ADGRE3: variants seen among roughly 807,000 people sequenced by gnomAD.
The protein encoded by ADGRE3 is adhesion G protein-coupled receptor E3.
In ADGRE3, 88 loss-of-function variants were observed where a neutral mutation model predicts 80.1. The ratio of observed to expected loss-of-function variants is 1.10; its 90% CI spans 0.93 to 1.31. ADGRE3 has a LOEUF of 1.31. Among genes scored for constraint, ADGRE3 ranks in the 40% most tolerant of loss-of-function variants. The pLI, the probability that ADGRE3 is intolerant of heterozygous loss-of-function variation, is 0.00. For missense variants in ADGRE3, 715 were observed against 776.5 expected, an observed-to-expected ratio of 0.92 and a Z score of 0.94; for synonymous variants, 281 against 294.8, an observed-to-expected ratio of 0.95 and a Z score of 0.48.
chr19:14,664,398 T>C (rs1403147271), intron 2 of ADGRE3, among the ~76,000 whole-genome samples: 2 of 151,932 alleles, frequency 1.3e-5, no homozygotes, highest in Non-Finnish European at 2.9e-5. Flanking sequence ...GATCGCGCCA[T>C]TGTGATCGCA....
rs1970934426 is a variant in ADGRE3, at chr19:14,633,244, T to C, written c.1543A>G (p.Ile515Val). The C allele has an allele frequency of 6.2e-7, 1 of 1,612,534 alleles. No homozygotes were observed. Among genetic ancestry groups the C allele is most frequent in the Non-Finnish European group, 8.5e-7 (1 of 1,179,188 alleles). ...CGAAGGCACATACTCACAGAGAAAA[T>C]GGCACAGACTGGGCCAAGGAAACTC... ...MWSFLGPVCA[I>V]FSANLVLFIL... is the part of the protein sequence containing the mutation. The change falls in exon 12 of 16, where the codon ATT becomes GTT. Residue 515 changes from isoleucine to valine, a missense_variant. Coordinates refer to ENST00000253673, the MANE Select transcript of ADGRE3 (RefSeq NM_032571.5).
At chr19:14,620,569 T>TA (rs1427819287) in intron 15 of ADGRE3, among the ~76,000 whole-genome samples, 431 of 7,438 alleles carry the variant, frequency 0.058, 49 homozygotes, top group Non-Finnish European at 0.07. Context: ...TATATATATA[T>TA]TTTTTTTTTT....
chr19:14,638,798 C>G (rs371990279), intron 10 of ADGRE3, among the ~76,000 whole-genome samples: 3 of 152,156 alleles, frequency 2.0e-5, no homozygotes, highest in Admixed American at 2.0e-4. Flanking sequence ...CACTTCCCCC[C>G]TCAACCTCTG....
intron 1 of ADGRE3, among the ~76,000 whole-genome samples, chr19:14,673,537 A>G (rs1972311984): frequency 6.6e-6 from 1 of 152,212 alleles, no homozygotes; most frequent in African/African-American, 2.4e-5. Flanking sequence ...CATTATAGCA[A>G]AGATCTGGAG....
intron 14 of ADGRE3, chr19:14,628,618 T>C: frequency 3.9e-6 from 1 of 256,730 alleles, no homozygotes; most frequent in South Asian, 4.8e-5. Flanking sequence ...AACGAGGCAG[T>C]TAACCTGCAG....
At chr19:14,627,714 A>T (rs1221947874) in intron 14 of ADGRE3, among the ~76,000 whole-genome samples, 1 of 152,140 alleles carries the variant, frequency 6.6e-6, no homozygotes, top group Non-Finnish European at 1.5e-5. Context: ...AGTCCAGATT[A>T]TCCCTGAGCA....
chr19:14,656,553 CATTT>C (rs956927729), intron 5 of ADGRE3, among the ~76,000 whole-genome samples: 1 of 152,024 alleles, frequency 6.6e-6, no homozygotes, highest in African/African-American at 2.4e-5. Flanking sequence ...CCAGGTGCGA[CATTT>C]ACTTACTGCT....
chr19:14,613,859 T>C, the ADGRE3 span, among the ~76,000 whole-genome samples: 1 of 152,054 alleles, frequency 6.6e-6, no homozygotes, highest in African/African-American at 2.4e-5. Flanking sequence ...CTAATTTTTG[T>C]ATTATTAGTA....
chr19:14,618,447 G>A (rs925240164), downstream of ADGRE3, among the ~76,000 whole-genome samples: 15 of 152,002 alleles, frequency 9.9e-5, no homozygotes, highest in Non-Finnish European at 1.8e-4. Flanking sequence ...CCCAGCTATC[G>A]GGAGGCTAAG....
chr19:14,615,369 C>T (rs1411671981), downstream of ADGRE3, among the ~76,000 whole-genome samples: 3 of 151,956 alleles, frequency 2.0e-5, no homozygotes, highest in African/African-American at 7.3e-5. Context: ...TCCTGAAAGT[C>T]CCCACTAGGG....
At chr19:14,650,628 CATCTCTCTCTCTCT>C (rs1413895969) in intron 7 of ADGRE3, among the ~76,000 whole-genome samples, 14 of 46,574 alleles carry the variant, frequency 3.0e-4, no homozygotes, top group African/African-American at 6.4e-4. Context: ...TCTCTGTCTC[CATCTCTCTCTCTCT>C]CTCTCTCTCT....
chr19:14,663,529 T>C lies in ADGRE3; in HGVS notation c.88A>G (p.Lys30Glu), dbSNP rs1253619519. 6.2e-7 allele frequency: 1 copy of C among 1,612,914 alleles called. No individual in the cohort carries two copies. The highest frequency in any genetic ancestry group is 2.2e-5 in the East Asian group (1 of 44,832). Reference protein sequence around the residue: ...VTQKTKTSCAKCPPNASCVNN... With the variant: ...VTQKTKTSCAECPPNASCVNN... Reference sequence around the variant, plus strand: ...ACACAGGAAGCATTTGGGGGGCACTTAGCACAGGAAGCTGCAGGGAGAAGA... The same window carrying C: ...ACACAGGAAGCATTTGGGGGGCACTCAGCACAGGAAGCTGCAGGGAGAAGA... The change falls in exon 3 of 16, where the codon AAG becomes GAG. Residue 30 changes from lysine to glutamate, a missense_variant. Coordinates refer to ENST00000253673, the MANE Select transcript of ADGRE3 (RefSeq NM_032571.5).
rs1971144286 is a variant in ADGRE3, at chr19:14,637,984, G to A, written c.1484+121C>T. ...CTGCTTTGTTGGGAAAGAGGTTAGA[G>A]CTGTTATAAAGGAGAACGTAGAGTG... On this transcript the variant is annotated intron_variant, in intron 11 of 15. Coordinates refer to ENST00000253673, the MANE Select transcript of ADGRE3 (RefSeq NM_032571.5). 8 of 715,078 alleles carry A rather than the reference G, an allele frequency of 1.1e-5. No individual in the cohort carries two copies. In the East Asian group the frequency reaches 1.8e-4, roughly 16 times the overall value. 44.3% of individuals were successfully genotyped at this position (715,078 alleles called of 1,614,324 possible).
intron 1 of ADGRE3, among the ~76,000 whole-genome samples, chr19:14,670,658 A>G (rs530246911): frequency 6.6e-6 from 1 of 152,326 alleles, no homozygotes; most frequent in Admixed American, 6.5e-5. Context: ...AAGATGCTGG[A>G]CAGATGGACT....
In ADGRE3 at chr19:14,651,121, T is replaced by C. The variant is rs199514629; in HGVS notation, c.661A>G (p.Ile221Val). ...NLNVQMNSMD[I>V]RCSDIIQGDT... The stretch of plus-strand genomic sequence containing the variant: ...CCCTGGATGATGTCACTGCAACGGA[T>C]GTCCATTGAGTTCATTTGGACGTTC... Residue 221 changes from isoleucine (I) to valine (V), a missense_variant, in exon 7 of 16, where the codon ATC (isoleucine) becomes GTC (valine). By Grantham distance (29) the Ile-to-Val change is conservative. Coordinates refer to ENST00000253673, the MANE Select transcript of ADGRE3 (RefSeq NM_032571.5). 5 of 1,614,094 alleles carry C rather than the reference T, an allele frequency of 3.1e-6. No homozygotes were observed. Among genetic ancestry groups the C allele is most frequent in the Non-Finnish European group, 4.2e-6 (5 of 1,179,922 alleles).
intron 14 of ADGRE3, 119 bp from the exon 15 acceptor site, chr19:14,625,718 G>A (rs1970720920): frequency 1.5e-6 from 1 of 659,402 alleles, no homozygotes; most frequent in African/African-American, 1.8e-5. Context: ...CACAAAACAT[G>A]GTCTATTCGT....
At chr19:14,660,673 C>G (rs1971922405) in intron 4 of ADGRE3, among the ~76,000 whole-genome samples, 1 of 151,730 alleles carries the variant, frequency 6.6e-6, no homozygotes, top group African/African-American at 2.4e-5. Flanking sequence ...TAGTCAATAC[C>G]TCATGGGTGG....
In ADGRE3 at chr19:14,651,141, A is replaced by C. The variant is rs920793995; in HGVS notation, c.641T>G (p.Val214Gly). Residue 214 changes from valine (V) to glycine (G), a missense_variant, in exon 7 of 16, where the codon GTC becomes GGC. Physicochemically the swap from Val to Gly is moderately radical, Grantham distance 109. Coordinates refer to ENST00000253673, the MANE Select transcript of ADGRE3 (RefSeq NM_032571.5). ...ACGGATGTCCATTGAGTTCATTTGG[A>C]CGTTCAAGTTGAATGTCTTTCTTTC... The part of the protein sequence containing the change: ...SEERKTFNLN[V>G]QMNSMDIRCS... 7 of 1,613,970 alleles carry C rather than the reference A, an allele frequency of 4.3e-6. No individual in the cohort carries two copies. The highest frequency in any genetic ancestry group is 1.3e-5 in the African/African-American group (1 of 74,914).
chr19:14,649,123 A>G (rs1361060116), intron 7 of ADGRE3, among the ~76,000 whole-genome samples: 1 of 77,120 alleles, frequency 1.3e-5, no homozygotes, highest in South Asian at 3.8e-4. Context: ...CATCTCTCGA[A>G]TTCCGTCTCT....
Sources: gnomAD v4.1 joint callset for allele counts (sites outside exome capture counted in the v4.1 genomes callset) on GRCh38, gnomAD v4.1.1 for gene constraint, MANE v1.5 for transcripts, NCBI Gene and HGNC (gene_info 2026-07-23, HGNC 2026-07-21) for gene names.